CAMK1G: variants seen among roughly 807,000 people sequenced by gnomAD.
CAMK1G encodes the protein calcium/calmodulin-dependent protein kinase type 1G.
Under a neutral mutation model 54.8 loss-of-function variants are expected in CAMK1G, and 27 were observed. The observed-to-expected ratio is 0.49, with a 90% CI of 0.36 to 0.68. The LOEUF (loss-of-function observed/expected upper bound fraction) is 0.68. CAMK1G is among the 30% of genes least tolerant of loss of function. The pLI is 0.00. For missense variants in CAMK1G, 512 were observed against 591.0 expected (o/e 0.87, Z 1.39); for synonymous variants, 238 against 224.9 (o/e 1.06, Z -0.52).
At position 209,612,027 on chromosome 1, in the gene CAMK1G, C is replaced by A. The variant is rs1345858627; in HGVS notation, c.1151C>A (p.Pro384His). Residue 384 changes from proline (P) to histidine (H), a missense_variant, in exon 11 of 13, where the codon CCT becomes CAT. Physicochemically the swap from Pro to His is moderately conservative, Grantham distance 77. Coordinates refer to ENST00000361322, the MANE Select transcript of CAMK1G (RefSeq NM_020439.3). The part of the protein sequence containing the change: ...PCQHGRRPTA[P>H]GGRSLNCLVN... ...CAGCATGGCCGCCGGCCCACTGCCC[C>A]TGGTGGCAGGTCCCTCAACTGCCTG... 6.2e-7 allele frequency: 1 copy of A among 1,614,144 alleles called. No homozygotes were observed. The highest frequency in any genetic ancestry group is 8.5e-7 in the Non-Finnish European group (1 of 1,180,058).
At position 209,609,884 on chromosome 1, in the gene CAMK1G, A is replaced by C; in HGVS notation, c.782A>C (p.Asp261Ala). The change falls in exon 9 of 13, where the codon GAT (aspartate) becomes GCT (alanine). Residue 261 changes from aspartate (D) to alanine (A), a missense_variant. Transcript: ENST00000361322. ...KDFICHLLEK[D>A]PNERYTCEKA... ...TTTATTTGCCACTTGCTTGAGAAGG[A>C]TCCGAACGAGCGGTACACCTGTGAG... is the stretch of plus-strand genomic sequence containing the variant. 2.5e-6 allele frequency: 4 copies of C among 1,614,120 alleles called. No homozygotes were observed. The highest frequency in any genetic ancestry group is 3.4e-6 in the Non-Finnish European group (4 of 1,180,012).
intron 2 of CAMK1G, among the ~76,000 whole-genome samples, chr1:209,598,881 G>A (rs970245647): frequency 6.6e-6 from 1 of 152,216 alleles, no homozygotes; most frequent in African/African-American, 2.4e-5. Context: ...AAGGAGAAGA[G>A]CTGCTTGATC....
chr1:209,605,574 G>T lies in CAMK1G; in HGVS notation c.335G>T (p.Arg112Leu), dbSNP rs144255822. The T allele has an allele frequency of 1.2e-6, 2 of 1,613,998 alleles. No individual in the cohort carries two copies. The highest frequency in any genetic ancestry group is 1.7e-6 in the Non-Finnish European group (2 of 1,179,940). The change falls in exon 5 of 13, where the codon CGG becomes CTG. Residue 112 changes from arginine to leucine, a missense_variant. Transcript: ENST00000361322. ...GAGCTCTTTGACCGGATCCTGGAGC[G>T]GGGTGTCTACACAGAGAAGGATGCC... ...GGELFDRILE[R>L]GVYTEKDASL...
chr1:209,606,590 G>C (rs1055344319), intron 6 of CAMK1G, 147 bp downstream of exon 6: 1 of 881,266 alleles, frequency 1.1e-6, no homozygotes, highest in Admixed American at 2.8e-5. Flanking sequence ...TTTAGGGCCA[G>C]CCAATTCATC....
In CAMK1G at chr1:209,609,882, G is replaced by A. The variant is rs201972342; in HGVS notation, c.780G>A (p.Lys260=). The A allele has an allele frequency of 1.9e-6, 3 of 1,614,134 alleles. No homozygotes were observed. Among genetic ancestry groups the A allele is most frequent in the Non-Finnish European group, 2.5e-6 (3 of 1,180,008 alleles). Residue 260 remains lysine (K), a synonymous_variant, in exon 9 of 13, where the codon AAG becomes AAA. Coordinates refer to ENST00000361322, the MANE Select transcript of CAMK1G (RefSeq NM_020439.3). Reference sequence around the variant, plus strand: ...ACTTTATTTGCCACTTGCTTGAGAAGGATCCGAACGAGCGGTACACCTGTG... The same window carrying A: ...ACTTTATTTGCCACTTGCTTGAGAAAGATCCGAACGAGCGGTACACCTGTG... The part of the protein sequence containing the change: ...AKDFICHLLE[K]DPNERYTCEK...
At chr1:209,591,980 G>T (rs1417060964) in intron 1 of CAMK1G, among the ~76,000 whole-genome samples, 1 of 152,192 alleles carries the variant, frequency 6.6e-6, no homozygotes, top group Non-Finnish European at 1.5e-5. Context: ...TTTAATGACA[G>T]GTCTTGGGGC....
At chr1:209,603,035 G>A (rs1348702611) in intron 3 of CAMK1G, among the ~76,000 whole-genome samples, 179 bp from the exon 4 acceptor site, 1 of 152,126 alleles carries the variant, frequency 6.6e-6, no homozygotes, top group Non-Finnish European at 1.5e-5. Flanking sequence ...ACCTCCACAG[G>A]AATCTTTTCT....
At chr1:209,588,868 C>A (rs1665174408) in intron 1 of CAMK1G, among the ~76,000 whole-genome samples, 1 of 152,198 alleles carries the variant, frequency 6.6e-6, no homozygotes, top group Non-Finnish European at 1.5e-5. Context: ...ACACAGCCTG[C>A]CACTGGGAGC....
intron 6 of CAMK1G, among the ~76,000 whole-genome samples, chr1:209,607,021 G>C (rs377312652): frequency 6.6e-6 from 1 of 152,214 alleles, no homozygotes; most frequent in African/African-American, 2.4e-5. Context: ...AGGGCACCTG[G>C]AAGAGTATTC....
At chr1:209,589,026 C>CA (rs140789526) in intron 1 of CAMK1G, among the ~76,000 whole-genome samples, 32,622 of 152,144 alleles carry the variant, frequency 0.21, 3,719 homozygotes, top group East Asian at 0.37. Context: ...TACAATTGAG[C>CA]CGAAGCTAGG....
chr1:209,591,342 A>C (rs1454461333), intron 1 of CAMK1G, among the ~76,000 whole-genome samples: 4 of 152,228 alleles, frequency 2.6e-5, no homozygotes, highest in Non-Finnish European at 5.9e-5. Context: ...ATCATGAAGG[A>C]GTTTCTCACA....
In CAMK1G at chr1:209,612,111, C is replaced by T; in HGVS notation, c.1235C>T (p.Ala412Val). The T allele has an allele frequency of 6.2e-7, 1 of 1,614,188 alleles. No individual in the cohort carries two copies. ...SLVPMHQGSL[A>V]AGPCGCCSSC... ...GTGCCCATGCATCAGGGGTCCCTGG[C>T]CGCCGGGCCCTGTGGCTGCTGCTCC... The change falls in exon 11 of 13, where the codon GCC becomes GTC. Residue 412 changes from alanine to valine, a missense_variant. Ala to Val is a moderately conservative substitution (Grantham distance 64). Coordinates refer to ENST00000361322, the MANE Select transcript of CAMK1G (RefSeq NM_020439.3).
At chr1:209,598,597 T>G (rs916873666) in intron 2 of CAMK1G, among the ~76,000 whole-genome samples, 8 of 152,194 alleles carry the variant, frequency 5.3e-5, no homozygotes, top group African/African-American at 1.2e-4. Flanking sequence ...CCCCTGAATC[T>G]GTGGTGGCAT....
At chr1:209,595,731 C>A (rs932373125) in intron 2 of CAMK1G, among the ~76,000 whole-genome samples, 3 of 152,216 alleles carry the variant, frequency 2.0e-5, no homozygotes, top group East Asian at 3.8e-4. Context: ...CCTGAATCAG[C>A]CCCCTGCACC....
intron 2 of CAMK1G, among the ~76,000 whole-genome samples, chr1:209,596,661 C>CA (rs1456597721): frequency 1.1e-4 from 16 of 148,104 alleles, no homozygotes; most frequent in Middle Eastern, 3.2e-3. Flanking sequence ...CACACACACA[C>CA]CACACACACA....
Position 209,599,981 on chromosome 1 carries a change from A to G in CAMK1G, c.93-2A>G. ...TTTTATCTTTTGGTGTCTTCTCCTC[A>G]GAGGAGCTTTCTCAGAAGTTTTCCT... On this transcript the variant is annotated splice_acceptor_variant, in intron 2 of 12. Coordinates refer to ENST00000361322, the MANE Select transcript of CAMK1G (RefSeq NM_020439.3). LOFTEE classifies it high-confidence loss of function. 1 of 1,613,252 alleles carries G rather than the reference A, an allele frequency of 6.2e-7. No homozygotes were observed. The highest frequency in any genetic ancestry group is 8.5e-7 in the Non-Finnish European group (1 of 1,179,688).
At chr1:209,611,645 C>T in intron 10 of CAMK1G, 93 bp downstream of exon 10, 1 of 1,474,410 alleles carries the variant, frequency 6.8e-7, no homozygotes, top group Non-Finnish European at 9.3e-7. Context: ...CTTGGGATGT[C>T]CCAGAAGGCA....
chr1:209,597,455 A>C (rs1371729126), intron 2 of CAMK1G, among the ~76,000 whole-genome samples: 1 of 152,232 alleles, frequency 6.6e-6, no homozygotes, highest in Admixed American at 6.5e-5. Flanking sequence ...AGTTCAATAA[A>C]CATTCATTGA....
Position 209,605,665 on chromosome 1 carries a change from A to G in CAMK1G, c.426A>G (p.Arg142=), listed in dbSNP as rs35618105. 5.1e-3 allele frequency: 8,153 copies of G among 1,613,648 alleles called. 363 individuals are homozygous for G. The African/African-American group carries it at 0.094, about 19-fold the overall frequency. Residue 142 remains arginine, a synonymous_variant, in exon 5 of 13, where the codon AGA becomes AGG. Coordinates refer to ENST00000361322, the MANE Select transcript of CAMK1G (RefSeq NM_020439.3). ...TACATGAGAATGGCATCGTCCACAG[A>G]GACTTAAAGGTGTCAAGGCGGGAGT... ...KYLHENGIVH[R]DLKPENLLYL...
Sources: gnomAD v4.1 joint callset for allele counts (sites outside exome capture counted in the v4.1 genomes callset) on GRCh38, gnomAD v4.1.1 for gene constraint, MANE v1.5 for transcripts, NCBI Gene and HGNC (gene_info 2026-07-23, HGNC 2026-07-21) for gene names.